The following FBLN7 variants were observed in gnomAD, a reference collection of about 807,000 sequenced individuals.
FBLN7 encodes fibulin 7.
Under a neutral mutation model 44.0 loss-of-function variants are expected in FBLN7, and 31 were observed. That is an observed-to-expected ratio of 0.70 (90% CI 0.53 to 0.95). The LOEUF is 0.95. FBLN7 is among the 40% of genes least tolerant of loss of function. The probability of loss-of-function intolerance (pLI) is 0.00; values close to 1 mark genes in which losing one functional copy is unlikely to be tolerated. For synonymous variants in FBLN7, 262 were observed against 253.4 expected, an observed-to-expected ratio of 1.03 and a Z score of -0.32; for missense variants, 573 against 618.5, an observed-to-expected ratio of 0.93 and a Z score of 0.78.
chr2:112,157,369 C>T (rs1681483238), intron 1 of FBLN7, among the ~76,000 whole-genome samples: 1 of 151,960 alleles, frequency 6.6e-6, no homozygotes, highest in African/African-American at 2.4e-5. Flanking sequence ...GACTCTATCT[C>T]ATTAAAAAAA....
chr2:112,138,533 A>G lies in FBLN7; in HGVS notation c.-123A>G. On this transcript the variant is annotated 5_prime_UTR_variant, in exon 1 of 8. Coordinates refer to ENST00000331203, the MANE Select transcript of FBLN7 (RefSeq NM_153214.3). ...GGCCTCCCGCCTCCCCCCCTGCCCC[A>G]GCCGCCCCCCGGCCGCGCGGCGCCC... 2.4e-6 allele frequency: 3 copies of G among 1,244,372 alleles called. No individual in the cohort carries two copies. Among genetic ancestry groups the G allele is most frequent in the Non-Finnish European group, 3.2e-6 (3 of 925,532 alleles). The allele number at this position is 1,244,372 out of a possible 1,614,324, so 77.1% of individuals were successfully genotyped here.
chr2:112,178,295 C>G (rs1260561251), intron 4 of FBLN7, among the ~76,000 whole-genome samples: 36 of 147,158 alleles, frequency 2.4e-4, no homozygotes, highest in Admixed American at 2.4e-3. Context: ...AAAAAAAAAC[C>G]AGGAACAAAA....
chr2:112,185,790 CATT>C (rs1683240360), intron 7 of FBLN7, among the ~76,000 whole-genome samples: 1 of 151,976 alleles, frequency 6.6e-6, no homozygotes, highest in East Asian at 1.9e-4. Context: ...GTGCACCCTG[CATT>C]ATATCACTCT....
chr2:112,186,900 A>G (rs893814182), intron 7 of FBLN7, among the ~76,000 whole-genome samples: 1 of 152,208 alleles, frequency 6.6e-6, no homozygotes, highest in Non-Finnish European at 1.5e-5. Context: ...ACACGTACAC[A>G]GGTGGGCAGG....
the FBLN7 span, among the ~76,000 whole-genome samples, chr2:112,237,093 A>G: frequency 6.6e-6 from 1 of 152,212 alleles, no homozygotes; most frequent in African/African-American, 2.4e-5. Context: ...ATGATTTACA[A>G]TAATTGAGGA....
chr2:112,174,228 T>A (rs1030742152), intron 3 of FBLN7, among the ~76,000 whole-genome samples: 2 of 152,202 alleles, frequency 1.3e-5, no homozygotes, highest in Non-Finnish European at 2.9e-5. Context: ...CAAGCATTTG[T>A]GTACAGTCAT....
chr2:112,153,316 A>G (rs754361650), intron 1 of FBLN7: 1 of 152,218 alleles, frequency 6.6e-6, no homozygotes, highest in Non-Finnish European at 1.5e-5. Flanking sequence ...GTTCCCATTA[A>G]CAAAATGCTG....
chr2:112,147,575 A>C (rs1423243452), intron 1 of FBLN7, among the ~76,000 whole-genome samples: 1 of 152,150 alleles, frequency 6.6e-6, no homozygotes, highest in Admixed American at 6.5e-5. Flanking sequence ...CCTGGAGCCC[A>C]GACTCCCCCG....
chr2:112,207,976 T>G, the FBLN7 span, among the ~76,000 whole-genome samples: 1 of 152,248 alleles, frequency 6.6e-6, no homozygotes, highest in African/African-American at 2.4e-5. Context: ...AAAGTAAATA[T>G]TTTGGGCTTT....
At chr2:112,167,173 C>T (rs1483182740) in intron 3 of FBLN7, among the ~76,000 whole-genome samples, 1 of 152,180 alleles carries the variant, frequency 6.6e-6, no homozygotes, top group Non-Finnish European at 1.5e-5. Flanking sequence ...ATATTCTGTC[C>T]TCAATGGCGA....
chr2:112,238,963 A>T, the FBLN7 span, among the ~76,000 whole-genome samples: 6 of 152,198 alleles, frequency 3.9e-5, no homozygotes, highest in Non-Finnish European at 7.3e-5. Context: ...CCCCAAGTAA[A>T]CTGTAATGGT....
At chr2:112,203,289 C>T in the FBLN7 span, among the ~76,000 whole-genome samples, 1 of 152,186 alleles carries the variant, frequency 6.6e-6, no homozygotes, top group Non-Finnish European at 1.5e-5. Context: ...CCAACTCACA[C>T]ACAGAGTTCC....
At chr2:112,208,974 C>G in the FBLN7 span, among the ~76,000 whole-genome samples, 1 of 152,104 alleles carries the variant, frequency 6.6e-6, no homozygotes, top group Admixed American at 6.5e-5. Flanking sequence ...GGACAATCCA[C>G]CCCCTCCCCA....
At chr2:112,206,154 G>A in the FBLN7 span, among the ~76,000 whole-genome samples, 2 of 152,150 alleles carry the variant, frequency 1.3e-5, no homozygotes, top group East Asian at 3.8e-4. Flanking sequence ...TCAAATTTGT[G>A]TGCATGTAGC....
At chr2:112,225,206 T>C in the FBLN7 span, among the ~76,000 whole-genome samples, 6 of 152,190 alleles carry the variant, frequency 3.9e-5, no homozygotes, top group Non-Finnish European at 7.3e-5. Context: ...GTGCAATTCA[T>C]TGACTGTTCT....
At chr2:112,160,585 C>T (rs139927908) in intron 2 of FBLN7, among the ~76,000 whole-genome samples, 1 of 152,312 alleles carries the variant, frequency 6.6e-6, no homozygotes, top group African/African-American at 2.4e-5. Flanking sequence ...GTTTTAAGTT[C>T]ATAGCAGAGT....
the FBLN7 span, among the ~76,000 whole-genome samples, chr2:112,220,665 T>C: frequency 6.6e-6 from 1 of 152,074 alleles, no homozygotes; most frequent in Non-Finnish European, 1.5e-5. Context: ...TCATTAAAAA[T>C]ACAAAATTAG....
the FBLN7 span, among the ~76,000 whole-genome samples, chr2:112,203,670 C>G: frequency 5.3e-5 from 8 of 152,158 alleles, no homozygotes; most frequent in African/African-American, 1.9e-4. Context: ...AGTCCGTTTT[C>G]ATGCTGCTGA....
intron 2 of FBLN7, among the ~76,000 whole-genome samples, chr2:112,164,744 G>A (rs1243628367): frequency 3.3e-5 from 5 of 152,194 alleles, no homozygotes; most frequent in African/African-American, 9.7e-5. Context: ...CCCACGCTTC[G>A]AGGCCTTGCA....
Sources: allele counts gnomAD v4.1 joint callset (sites outside exome capture counted in the v4.1 genomes callset), GRCh38; gene constraint gnomAD v4.1.1; transcripts MANE v1.5; gene names NCBI Gene and HGNC (gene_info 2026-07-23, HGNC 2026-07-21).